The following MTMR10 variants were observed in gnomAD, a reference collection of about 807,000 sequenced individuals.
MTMR10 encodes the protein myotubularin-related protein 10.
MTMR10 carries 56 observed loss-of-function variants against 88.1 expected under a neutral mutation model. The observed-to-expected ratio is 0.64, with a 90% CI of 0.51 to 0.79. The LOEUF is 0.79. MTMR10 is among the 30% of genes least tolerant of loss of function. The pLI is 0.00. For synonymous variants in MTMR10, 380 were observed against 340.9 expected (o/e 1.11, Z -1.26); for missense variants, 883 against 924.7 (o/e 0.95, Z 0.58).
chr15:30,938,165 CAG>C (rs2062918821), downstream of MTMR10, among the ~76,000 whole-genome samples: 1 of 150,558 alleles, frequency 6.6e-6, no homozygotes. Context: ...GCCTGGGAGA[CAG>C]AGCGAGACTC....
chr15:30,961,432 G>A (rs1270347253), intron 6 of MTMR10, among the ~76,000 whole-genome samples: 1 of 151,930 alleles, frequency 6.6e-6, no homozygotes, highest in Admixed American at 6.6e-5. Flanking sequence ...ATAGAGACAG[G>A]GTTTCACCAT....
chr15:30,929,249 G>C, the MTMR10 span: 1 of 1,613,376 alleles, frequency 6.2e-7, no homozygotes, highest in Non-Finnish European at 8.5e-7. Context: ...ACAAGCAGAC[G>C]CCCAGCCCTT....
intron 6 of MTMR10, among the ~76,000 whole-genome samples, chr15:30,961,558 GT>G: frequency 6.6e-6 from 1 of 152,112 alleles, no homozygotes; most frequent in South Asian, 2.1e-4. Flanking sequence ...AACTCATTTA[GT>G]CTTGTCCTTA....
intron 6 of MTMR10, among the ~76,000 whole-genome samples, chr15:30,967,177 G>A (rs774313470): frequency 4.6e-5 from 7 of 152,046 alleles, no homozygotes; most frequent in Non-Finnish European, 8.8e-5. Context: ...CACAGGCTTC[G>A]CTCAGTTAAC....
intron 14 of MTMR10, chr15:30,943,779 G>T: frequency 1.0e-6 from 1 of 985,432 alleles, no homozygotes; most frequent in African/African-American, 1.7e-5. Flanking sequence ...GCCAACCACC[G>T]CATTGTGAGG....
chr15:30,980,563 T>G (rs1449576348), intron 2 of MTMR10, among the ~76,000 whole-genome samples: 1 of 152,202 alleles, frequency 6.6e-6, no homozygotes, highest in Non-Finnish European at 1.5e-5. Context: ...CTAAAAGCAG[T>G]GACGCTCCAG....
chr15:30,942,849 T>G, intron 15 of MTMR10, 41 bp downstream of exon 15: 2 of 1,516,072 alleles, frequency 1.3e-6, no homozygotes, highest in Non-Finnish European at 1.8e-6. Context: ...GGTGTTTGGT[T>G]ACGTGTGAGC....
At chr15:30,924,141 T>C in the MTMR10 span, among the ~76,000 whole-genome samples, 1 of 152,252 alleles carries the variant, frequency 6.6e-6, no homozygotes, top group African/African-American at 2.4e-5. Flanking sequence ...AGCATCATGT[T>C]TCTGAGCTTC....
intron 5 of MTMR10, among the ~76,000 whole-genome samples, chr15:30,973,485 T>C (rs772297990): frequency 2.6e-5 from 4 of 152,116 alleles, no homozygotes; most frequent in Non-Finnish European, 5.9e-5. Context: ...AACAGAAGAT[T>C]TACTGCAGTC....
At position 30,983,832 on chromosome 15, in the gene MTMR10, A is replaced by G. The variant is rs185897294; in HGVS notation, c.122-6877T>C. Among the ~76,000 whole-genome samples the G allele has an allele frequency of 1.8e-3, 281 of 152,338 alleles. 6 individuals are homozygous for G. The Middle Eastern group carries it at 0.024, about 13-fold the overall frequency. ...TCAAAAGTTATCACAGGAAATTGAA[A>G]CTATGTGGAAGATAAACACAAATCT... On this transcript the variant is annotated intron_variant, in intron 2 of 15. Coordinates refer to ENST00000435680, the MANE Select transcript of MTMR10 (RefSeq NM_017762.3).
intron 2 of MTMR10, among the ~76,000 whole-genome samples, chr15:30,981,202 G>A (rs1050172119): frequency 7.9e-5 from 12 of 152,328 alleles, no homozygotes; most frequent in Admixed American, 2.0e-4. Flanking sequence ...TAGTTTTAAG[G>A]TATGCCCATA....
chr15:30,940,783 A>G lies in MTMR10; in HGVS notation c.*687T>C. 1.0e-6 allele frequency: 1 copy of G among 986,932 alleles called. No individual in the cohort carries two copies. The highest frequency in any genetic ancestry group is 1.2e-6 in the Non-Finnish European group (1 of 830,684). 61.1% of individuals were successfully genotyped at this position (986,932 alleles called of 1,614,324 possible). On this transcript the variant is annotated 3_prime_UTR_variant, in exon 16 of 16. Coordinates refer to ENST00000435680, the MANE Select transcript of MTMR10 (RefSeq NM_017762.3). ...CACCCCAATTTTAAAAAGTGAAATT[A>G]TATTTTCTTCTGTAATATTTGTATC... is the stretch of plus-strand genomic sequence containing the variant.
chr15:30,930,627 C>T, the MTMR10 span: 64 of 1,612,950 alleles, frequency 4.0e-5, no homozygotes, highest in Non-Finnish European at 5.3e-5. Context: ...TCGAGGGGGC[C>T]TCCCCGACCT....
chr15:30,943,451 G>GTAGT (rs2063117483), intron 14 of MTMR10: 1 of 985,202 alleles, frequency 1.0e-6, no homozygotes, highest in African/African-American at 1.7e-5. Flanking sequence ...GTACATTTAA[G>GTAGT]TAGTTACCTG....
rs890812347 is a variant in MTMR10, at chr15:30,940,632, C to T, written c.*838G>A. On this transcript the variant is annotated 3_prime_UTR_variant, in exon 16 of 16. Transcript: ENST00000435680. ...ATGGCACTCTCCTGTCTACAGCATA[C>T]ACCTCTGTGGAATCAGCACCCCAGA... The T allele has an allele frequency of 1.5e-5, 15 of 985,866 alleles. 1 individual carries two copies. The South Asian group carries it at 4.2e-4, about 28-fold the overall frequency. 61.1% of individuals were successfully genotyped at this position (985,866 alleles called of 1,614,324 possible).
chr15:30,958,759 A>G, intron 9 of MTMR10, 104 bp downstream of exon 9: 1 of 1,190,272 alleles, frequency 8.4e-7, no homozygotes, highest in Non-Finnish European at 1.2e-6. Context: ...GTGCTAACTA[A>G]TTAGTAAGAC....
At chr15:30,965,829 T>G in intron 6 of MTMR10, 1 of 323,230 alleles carries the variant, frequency 3.1e-6, no homozygotes, top group Non-Finnish European at 6.2e-6. Context: ...GCAGGGGAGC[T>G]CCTCCAACTT....
At chr15:30,943,682 C>T (rs778482916) in intron 14 of MTMR10, 108 of 985,308 alleles carry the variant, frequency 1.1e-4, no homozygotes, top group Non-Finnish European at 1.3e-4. Flanking sequence ...AGGAGTCCAC[C>T]TCTAGCCCGG....
the MTMR10 span, chr15:30,929,392 G>C: frequency 1.2e-5 from 20 of 1,602,386 alleles, no homozygotes; most frequent in Non-Finnish European, 1.7e-5. Context: ...TCTTCAGCAA[G>C]CTCAGGTAAT....
Sources: gnomAD v4.1 joint callset for allele counts (sites outside exome capture counted in the v4.1 genomes callset) on GRCh38, gnomAD v4.1.1 for gene constraint, MANE v1.5 for transcripts, NCBI Gene and HGNC (gene_info 2026-07-23, HGNC 2026-07-21) for gene names.